RIGI: variants seen among roughly 807,000 people sequenced by gnomAD.
RIGI encodes RNA sensor RIG-I.
At chr9:32,513,963 CAT>C in the RIGI span, among the ~76,000 whole-genome samples, 4 of 152,174 alleles carry the variant, frequency 2.6e-5, no homozygotes, top group East Asian at 1.9e-4. Context: ...CACGAACAAA[CAT>C]ATGAAAAAAT....
At chr9:32,457,457 G>T in the RIGI span, 7 of 1,470,194 alleles carry the variant, frequency 4.8e-6, no homozygotes, top group East Asian at 1.2e-4. Context: ...AAAAGAGAAC[G>T]TTAGAACCAG....
At chr9:32,524,596 GTTTT>G in the RIGI span, among the ~76,000 whole-genome samples, 85 of 67,574 alleles carry the variant, frequency 1.3e-3, no homozygotes, top group Non-Finnish European at 1.5e-3. Flanking sequence ...TTGTTTTTCG[GTTTT>G]TTTTTTTTTT....
the RIGI span, among the ~76,000 whole-genome samples, chr9:32,495,351 G>A: frequency 2.6e-5 from 4 of 151,820 alleles, no homozygotes; most frequent in African/African-American, 4.8e-5. Flanking sequence ...ACAGGCACCC[G>A]CCACCGCACC....
the RIGI span, among the ~76,000 whole-genome samples, chr9:32,516,094 T>G: frequency 2.6e-5 from 4 of 152,192 alleles, no homozygotes; most frequent in South Asian, 2.1e-4. Context: ...TCTGAGATCC[T>G]TTCTCAGGCA....
chr9:32,513,144 C>G, the RIGI span, among the ~76,000 whole-genome samples: 73 of 151,820 alleles, frequency 4.8e-4, 1 homozygote, highest in African/African-American at 1.7e-3. Flanking sequence ...GGCCATACTG[C>G]CCAAGGTAAT....
the RIGI span, among the ~76,000 whole-genome samples, chr9:32,494,781 T>G: frequency 2.0e-5 from 3 of 151,368 alleles, no homozygotes; most frequent in South Asian, 2.1e-4. Flanking sequence ...AATATTTGTC[T>G]TTTTGTGACT....
the RIGI span, chr9:32,481,335 C>A: frequency 6.2e-7 from 1 of 1,608,626 alleles, no homozygotes; most frequent in South Asian, 1.1e-5. Context: ...AAAAGAGGAA[C>A]GTACCCGCAA....
the RIGI span, among the ~76,000 whole-genome samples, chr9:32,522,635 C>T: frequency 3.9e-5 from 6 of 151,988 alleles, no homozygotes; most frequent in East Asian, 3.9e-4. Flanking sequence ...TTGGTGGAAG[C>T]GGGGAACAGT....
the RIGI span, among the ~76,000 whole-genome samples, chr9:32,464,839 A>G: frequency 2.0e-5 from 3 of 152,166 alleles, no homozygotes; most frequent in African/African-American, 4.8e-5. Context: ...ATCTCTGCCT[A>G]TCTATCTGTA....
chr9:32,507,978 C>T, the RIGI span, among the ~76,000 whole-genome samples: 2 of 151,964 alleles, frequency 1.3e-5, no homozygotes, highest in African/African-American at 2.4e-5. Context: ...GTTTATATTT[C>T]CCTTTCCTAT....
chr9:32,500,125 G>A, the RIGI span, among the ~76,000 whole-genome samples: 1 of 152,124 alleles, frequency 6.6e-6, no homozygotes, highest in African/African-American at 2.4e-5. Context: ...AATGCCTGTA[G>A]CTTTCTAATA....
At chr9:32,495,996 A>G in the RIGI span, among the ~76,000 whole-genome samples, 1 of 151,892 alleles carries the variant, frequency 6.6e-6, no homozygotes, top group African/African-American at 2.4e-5. Context: ...CTACATATTA[A>G]CCCCTTATCA....
the RIGI span, among the ~76,000 whole-genome samples, chr9:32,471,922 C>T: frequency 4.8e-3 from 724 of 151,780 alleles, 5 homozygotes; most frequent in African/African-American, 0.017. Context: ...AGGGAAAGTG[C>T]GAGGGTGATA....
the RIGI span, among the ~76,000 whole-genome samples, chr9:32,505,517 G>T: frequency 6.6e-6 from 1 of 152,280 alleles, no homozygotes; most frequent in Non-Finnish European, 1.5e-5. Flanking sequence ...ATCAGAGACA[G>T]ATTTCTCTTC....
chr9:32,496,139 T>C, the RIGI span, among the ~76,000 whole-genome samples: 1 of 152,236 alleles, frequency 6.6e-6, no homozygotes, highest in South Asian at 2.1e-4. Context: ...GCTTCTGATA[T>C]CATGTCCAAG....
At chr9:32,488,781 C>A in the RIGI span, 1 of 1,612,978 alleles carries the variant, frequency 6.2e-7, no homozygotes, top group Non-Finnish European at 8.5e-7. Flanking sequence ...GCTGTTCATA[C>A]ACTGGGATCT....
At chr9:32,516,379 T>G in the RIGI span, among the ~76,000 whole-genome samples, 2 of 152,216 alleles carry the variant, frequency 1.3e-5, no homozygotes, top group African/African-American at 2.4e-5. Flanking sequence ...TCTGTGTGGC[T>G]ACCAGGAGGA....
At chr9:32,496,159 C>T in the RIGI span, among the ~76,000 whole-genome samples, 1 of 152,220 alleles carries the variant, frequency 6.6e-6, no homozygotes, top group East Asian at 1.9e-4. Context: ...GAAATCACTG[C>T]CAATTCCAGT....
At chr9:32,461,937 C>T in the RIGI span, among the ~76,000 whole-genome samples, 5 of 152,124 alleles carry the variant, frequency 3.3e-5, no homozygotes, top group African/African-American at 9.7e-5. Flanking sequence ...GGTGAATGCA[C>T]GTGTTTAAAA....
Sources: gnomAD v4.1 joint callset for allele counts (sites outside exome capture counted in the v4.1 genomes callset) on GRCh38, gnomAD v4.1.1 for gene constraint, MANE v1.5 for transcripts, NCBI Gene and HGNC (gene_info 2026-07-23, HGNC 2026-07-21) for gene names.